The following EIF4G3 variants were observed in gnomAD, a reference collection of about 807,000 sequenced individuals.
The protein encoded by EIF4G3 is eukaryotic translation initiation factor 4 gamma 3, also known as eIF-4-gamma 3.
In EIF4G3, 34 loss-of-function variants were observed where a neutral mutation model predicts 186.4. That is an observed-to-expected ratio of 0.18 (90% CI 0.14 to 0.24). The LOEUF is 0.24. EIF4G3 is among the 10% of genes least tolerant of loss of function. EIF4G3 has a pLI of 1.00. For synonymous variants in EIF4G3, 673 were observed against 679.5 expected, an observed-to-expected ratio of 0.99 and a Z score of 0.15; for missense variants, 1,536 against 1,948.5, an observed-to-expected ratio of 0.79 and a Z score of 3.99.
chr1:20,969,363 C>T (rs1013324099), intron 12 of EIF4G3, 111 bp downstream of exon 12: 28 of 1,295,844 alleles, frequency 2.2e-5, no homozygotes, highest in African/African-American at 1.5e-4. Flanking sequence ...TTCGAGGCTG[C>T]GAGACAACTG....
chr1:20,881,658 G>C (rs937155935), intron 19 of EIF4G3, among the ~76,000 whole-genome samples: 1 of 151,706 alleles, frequency 6.6e-6, no homozygotes, highest in African/African-American at 2.4e-5. Context: ...ACGGTGGCAC[G>C]CACCTGTAGT....
intron 33 of EIF4G3, among the ~76,000 whole-genome samples, chr1:20,818,541 C>T (rs765316725): frequency 1.9e-4 from 29 of 151,966 alleles, no homozygotes; most frequent in Non-Finnish European, 5.9e-5. Context: ...ACTCAGGAGG[C>T]TGAGATGGGA....
intron 19 of EIF4G3, among the ~76,000 whole-genome samples, chr1:20,884,291 A>C (rs74998260): frequency 0.045 from 6,886 of 152,346 alleles, 220 homozygotes; most frequent in Non-Finnish European, 0.067. Context: ...GGACTCTGTT[A>C]TAAACAGAAA....
chr1:20,849,252 G>A (rs1472898247), intron 29 of EIF4G3, among the ~76,000 whole-genome samples, 163 bp downstream of exon 29: 1 of 151,942 alleles, frequency 6.6e-6, no homozygotes, highest in Non-Finnish European at 1.5e-5. Flanking sequence ...GAGAGTACTT[G>A]GCAGAAATGC....
chr1:21,031,605 T>A, intron 4 of EIF4G3, among the ~76,000 whole-genome samples: 1 of 151,626 alleles, frequency 6.6e-6, no homozygotes, highest in East Asian at 1.9e-4. Context: ...GGAGGAAGAG[T>A]TCAAAGAAAG....
intron 34 of EIF4G3, among the ~76,000 whole-genome samples, chr1:20,813,568 T>C (rs1570866585): frequency 6.6e-6 from 1 of 151,190 alleles, no homozygotes. Context: ...GACCTTGTCT[T>C]GAGAAAACAA....
At chr1:21,057,831 C>T (rs1424166264) in intron 3 of EIF4G3, among the ~76,000 whole-genome samples, 1 of 152,086 alleles carries the variant, frequency 6.6e-6, no homozygotes, top group Non-Finnish European at 1.5e-5. Flanking sequence ...GAAAGAAAAG[C>T]TCTAAAATTT....
intron 4 of EIF4G3, among the ~76,000 whole-genome samples, chr1:21,028,807 G>C (rs1160721249): frequency 6.6e-6 from 1 of 152,208 alleles, no homozygotes; most frequent in Non-Finnish European, 1.5e-5. Context: ...AAGTCAATTA[G>C]TGATTACTAA....
At chr1:20,941,413 T>C (rs1054971243) in intron 14 of EIF4G3, 78 bp downstream of exon 14, 4 of 1,609,886 alleles carry the variant, frequency 2.5e-6, no homozygotes, top group African/African-American at 2.7e-5. Context: ...TCAAGGAAAG[T>C]AGCCAATTAA....
intron 2 of EIF4G3, among the ~76,000 whole-genome samples, chr1:21,137,751 T>C (rs2102605636): frequency 6.7e-6 from 1 of 149,272 alleles, no homozygotes; most frequent in East Asian, 2.0e-4. Flanking sequence ...AGCCTGGTGG[T>C]CAAGGCTGCA....
At chr1:21,075,026 G>C (rs1157928241) in intron 3 of EIF4G3, among the ~76,000 whole-genome samples, 1 of 150,788 alleles carries the variant, frequency 6.6e-6, no homozygotes, top group South Asian at 2.1e-4. Flanking sequence ...AAAGAAGAAA[G>C]AAAAAAGAAT....
chr1:20,889,794 A>G (rs2085412762), intron 18 of EIF4G3, among the ~76,000 whole-genome samples: 1 of 152,034 alleles, frequency 6.6e-6, no homozygotes, highest in South Asian at 2.1e-4. Context: ...CCGGCCCATA[A>G]TTTTATTTTA....
At chr1:21,161,183 C>T (rs2097761225) in intron 2 of EIF4G3, among the ~76,000 whole-genome samples, 1 of 150,588 alleles carries the variant, frequency 6.6e-6, no homozygotes, top group Non-Finnish European at 1.5e-5. Context: ...AAAGAAGTTT[C>T]TTCCTCTTTG....
chr1:21,099,579 C>T (rs2096469215), intron 2 of EIF4G3, among the ~76,000 whole-genome samples: 1 of 152,178 alleles, frequency 6.6e-6, no homozygotes, highest in Admixed American at 6.5e-5. Flanking sequence ...CTCAAAAAGA[C>T]TGTAAGTCCA....
chr1:20,851,347 T>C lies in EIF4G3; in HGVS notation c.3683A>G (p.Glu1228Gly), dbSNP rs748818692. Residue 1228 changes from glutamate to glycine, a missense_variant, in exon 28 of 37, where the codon GAG (glutamate) becomes GGG (glycine). Physicochemically the swap from Glu to Gly is moderately conservative, Grantham distance 98 (BLOSUM62 -2). Around this residue, in one of 11 missense-constraint regions of EIF4G3, gnomAD observed 395 missense variants for 498.9 expected, o/e 0.79. Transcript: ENST00000602326. Reference protein sequence around the residue: ...DNQSQEEQRREMLETVKQLTG... With the variant: ...DNQSQEEQRRGMLETVKQLTG... ...GAGCTGCTTCACGGTCTCCAGCATC[T>C]CTCTCCGCTGCTCTTCTTGAGACTG... The C allele has an allele frequency of 1.5e-5, 24 of 1,614,012 alleles. No homozygotes were observed. The highest frequency in any genetic ancestry group is 1.9e-5 in the Non-Finnish European group (23 of 1,180,042).
chr1:20,952,205 A>G (rs2096251311), intron 12 of EIF4G3, among the ~76,000 whole-genome samples: 1 of 145,206 alleles, frequency 6.9e-6, no homozygotes, highest in African/African-American at 2.6e-5. Context: ...ACCAGGCAGG[A>G]GTGCAGTGGC....
At chr1:20,834,696 T>C (rs2066241784) in intron 30 of EIF4G3, among the ~76,000 whole-genome samples, 1 of 152,188 alleles carries the variant, frequency 6.6e-6, no homozygotes, top group Non-Finnish European at 1.5e-5. Flanking sequence ...ATAACAGTTA[T>C]AAATACATAT....
chr1:20,984,494 T>A (rs1301532854), intron 7 of EIF4G3, among the ~76,000 whole-genome samples: 1 of 151,016 alleles, frequency 6.6e-6, no homozygotes, highest in African/African-American at 2.4e-5. Context: ...CACTAAGAAT[T>A]CAGCTTTGAA....
intron 2 of EIF4G3, among the ~76,000 whole-genome samples, chr1:21,163,621 G>A (rs549699755): frequency 2.0e-5 from 3 of 152,060 alleles, no homozygotes; most frequent in Non-Finnish European, 4.4e-5. Context: ...GTTTTTTTGT[G>A]GAAAGTCTTT....
Sources: allele counts gnomAD v4.1 joint callset (sites outside exome capture counted in the v4.1 genomes callset), GRCh38; gene constraint gnomAD v4.1.1; regional missense constraint gnomAD v4.1.1; transcripts MANE v1.5; gene names NCBI Gene and HGNC (gene_info 2026-07-23, HGNC 2026-07-21).